Variants in ATM observed in about 807,000 individuals in gnomAD.
The protein encoded by ATM is ATM serine/threonine kinase, also known as serine-protein kinase ATM.
A neutral mutation model predicts 387.0 loss-of-function variants in ATM; 308 were observed. The observed-to-expected ratio is 0.80, with a 90% CI of 0.73 to 0.87. The LOEUF (loss-of-function observed/expected upper bound fraction) is 0.87. ATM is among the 40% of genes least tolerant of loss of function. The pLI is 0.00. For missense variants in ATM, 3,312 were observed against 3,560.9 expected (o/e 0.93, Z 1.78); for synonymous variants, 1,156 against 1,187.3 (o/e 0.97, Z 0.54).
chr11:108,256,086 AT>A, intron 13 of ATM, 128 bp from the exon 14 acceptor site: 1 of 786,724 alleles, frequency 1.3e-6, no homozygotes, highest in East Asian at 3.6e-5. Context: ...TATCCAGGAT[AT>A]GCCACCTTTA....
intron 48 of ATM, among the ~76,000 whole-genome samples, chr11:108,328,742 A>G (rs1464978276): frequency 6.6e-6 from 1 of 152,222 alleles, no homozygotes; most frequent in Admixed American, 6.5e-5. Flanking sequence ...AAAATATACT[A>G]ACATTAATGA....
intron 47 of ATM, among the ~76,000 whole-genome samples, chr11:108,326,500 G>C (rs931245785): frequency 1.3e-5 from 2 of 152,196 alleles, no homozygotes; most frequent in African/African-American, 4.8e-5. Flanking sequence ...AGAAAGGTAT[G>C]TGGGAAATGA....
intron 14 of ATM, among the ~76,000 whole-genome samples, chr11:108,256,562 A>G (rs1409592310): frequency 1.3e-5 from 2 of 152,130 alleles, no homozygotes; most frequent in African/African-American, 2.4e-5. Context: ...TACATGATGT[A>G]GAGCATGCAG....
chr11:108,274,338 GTT>G (rs780338435), intron 22 of ATM, among the ~76,000 whole-genome samples: 17 of 107,764 alleles, frequency 1.6e-4, no homozygotes, highest in South Asian at 3.7e-4. Flanking sequence ...TTTTTGAAAG[GTT>G]TTTTTTGTGT....
intron 56 of ATM, chr11:108,336,264 A>G (rs2086841887): frequency 3.1e-6 from 1 of 324,116 alleles, no homozygotes; most frequent in Non-Finnish European, 5.8e-6. Context: ...CAAACTCTGC[A>G]GTGAGCCCCA....
intron 31 of ATM, 97 bp from the exon 32 acceptor site, chr11:108,294,830 C>T (rs2135830693): frequency 6.7e-6 from 9 of 1,340,884 alleles, no homozygotes; most frequent in Admixed American, 1.7e-5. Flanking sequence ...GAGTCAGTGT[C>T]TATAAATGGC....
At chr11:108,268,012 A>G (rs1007145581) in intron 17 of ATM, among the ~76,000 whole-genome samples, 2 of 152,238 alleles carry the variant, frequency 1.3e-5, no homozygotes, top group African/African-American at 4.8e-5. Flanking sequence ...CATGTTATGA[A>G]TGCCTGTTTA....
rs2091315421 is a variant in ATM, at chr11:108,366,132, C to T, written c.*624C>T. 1 of 189,002 alleles carries T rather than the reference C, an allele frequency of 5.3e-6. No homozygotes were observed. Among genetic ancestry groups the T allele is most frequent in the African/African-American group, 2.3e-5 (1 of 42,698 alleles). 11.7% of individuals were successfully genotyped at this position (189,002 alleles called of 1,614,324 possible). On this transcript the variant is annotated 3_prime_UTR_variant, in exon 63 of 63. Transcript: ENST00000675843. ...TGTTATGGAGAACAAATTTCAAAGA[C>T]ACAGTTAGTGTAGTTACTATTTTTT...
chr11:108,294,788 A>G, intron 31 of ATM, 139 bp from the exon 32 acceptor site: 2 of 879,972 alleles, frequency 2.3e-6, no homozygotes. Context: ...GAAATCATTT[A>G]TTTCTTCCTT....
chr11:108,345,655 T>C (rs1395707453), intron 57 of ATM, 88 bp from the exon 58 acceptor site: 6 of 1,115,652 alleles, frequency 5.4e-6, no homozygotes, highest in Middle Eastern at 3.0e-4. Flanking sequence ...ATTGCCCCTA[T>C]ATCTGTCATA....
rs540050383 is a variant in ATM at position 108,267,120 on chromosome 11, C to T, written c.2467-51C>T. On this transcript the variant is annotated intron_variant, in intron 16 of 62. Transcript: ENST00000675843. ...CTGATTAGGTAAATTTTGACTACAGCATGCTCCTGCAAGAAGCCATCTTGA... is the reference window on the plus strand; with the variant it reads ...CTGATTAGGTAAATTTTGACTACAGTATGCTCCTGCAAGAAGCCATCTTGA... The T allele has an allele frequency of 2.3e-5, 36 of 1,579,666 alleles. No homozygotes were observed. In the Admixed American group the frequency reaches 2.4e-4, roughly 10 times the overall value.
chr11:108,347,273 C>A lies in ATM; in HGVS notation c.8585-6C>A. On this transcript the variant is annotated splice_region_variant and splice_polypyrimidine_tract_variant and intron_variant, in intron 58 of 62. Transcript: ENST00000675843. ...ATTTCAGATTGTTTGTTTCTTTTTT[C>A]TCCAGTTGGTTACATACTTGGACTT... 1 of 1,594,020 alleles carries A rather than the reference C, an allele frequency of 6.3e-7. No individual in the cohort carries two copies. The highest frequency in any genetic ancestry group is 8.6e-7 in the Non-Finnish European group (1 of 1,162,084).
chr11:108,265,601 A>T (rs1014967877), intron 16 of ATM, among the ~76,000 whole-genome samples: 18 of 150,592 alleles, frequency 1.2e-4, no homozygotes, highest in Non-Finnish European at 2.4e-4. Flanking sequence ...AAACACCAAA[A>T]GCAATGGCAA....
At chr11:108,248,576 A>G (rs936867750) in intron 8 of ATM, among the ~76,000 whole-genome samples, 50 of 152,092 alleles carry the variant, frequency 3.3e-4, no homozygotes, top group African/African-American at 1.1e-3. Flanking sequence ...ATGAAATATT[A>G]GAAGACAATA....
chr11:108,247,341 A>G (rs1176376465), intron 8 of ATM, among the ~76,000 whole-genome samples: 1 of 152,126 alleles, frequency 6.6e-6, no homozygotes, highest in Non-Finnish European at 1.5e-5. Context: ...CTAACAATGA[A>G]CTTTTTCATT....
At chr11:108,303,732 C>T (rs1339240216) in intron 36 of ATM, among the ~76,000 whole-genome samples, 1 of 152,162 alleles carries the variant, frequency 6.6e-6, no homozygotes, top group Admixed American at 6.5e-5. Flanking sequence ...AAAACATCAC[C>T]TTCTCTGCAA....
At chr11:108,236,026 A>G in intron 5 of ATM, 192 bp downstream of exon 5, 6 of 618,946 alleles carry the variant, frequency 9.7e-6, no homozygotes, top group Non-Finnish European at 1.7e-5. Context: ...AAAGTCATGA[A>G]TAATATATCA....
rs115382032 is a variant in ATM, at chr11:108,285,591, T to C, written c.3993+1118T>C. ...ATAAGTAACCAAACTTGGTCAATAT[T>C]AGATAAACTTCAAGGGACCTTTTTT... On this transcript the variant is annotated intron_variant, in intron 26 of 62. Coordinates refer to ENST00000675843, the MANE Select transcript of ATM (RefSeq NM_000051.4). 8.7e-4 allele frequency among the ~76,000 whole-genome samples: 133 copies of C among 152,274 alleles called. 1 individual carries two copies. Among genetic ancestry groups the C allele is most frequent in the African/African-American group, 3.0e-3 (123 of 41,570 alleles).
intron 59 of ATM, among the ~76,000 whole-genome samples, chr11:108,348,932 A>G (rs1026181342): frequency 5.3e-5 from 8 of 152,146 alleles, no homozygotes; most frequent in African/African-American, 1.9e-4. Flanking sequence ...CATCATCACT[A>G]TTATCCCCCT....
Sources: allele counts gnomAD v4.1 joint callset (sites outside exome capture counted in the v4.1 genomes callset), GRCh38; gene constraint gnomAD v4.1.1; transcripts MANE v1.5; gene names NCBI Gene and HGNC (gene_info 2026-07-23, HGNC 2026-07-21).